ZFAT: variants seen among roughly 807,000 people sequenced by gnomAD.
The protein encoded by ZFAT is zinc finger and AT-hook domain containing, also known as zinc finger protein ZFAT.
Under a neutral mutation model 117.7 loss-of-function variants are expected in ZFAT, and 64 were observed. That is an observed-to-expected ratio of 0.54 (90% confidence interval 0.44 to 0.67). The LOEUF is 0.67. Ranked by LOEUF, ZFAT falls within the 30% of genes least tolerant of loss-of-function variation. ZFAT has a pLI of 0.00. For missense variants in ZFAT, 1,433 were observed against 1,584.5 expected (o/e 0.90, Z 1.62); for synonymous variants, 679 against 615.0 (o/e 1.10, Z -1.54).
At chr8:134,719,039 T>C in the ZFAT span, among the ~76,000 whole-genome samples, 1 of 152,220 alleles carries the variant, frequency 6.6e-6, no homozygotes, top group East Asian at 1.9e-4. Context: ...GTGAACACGG[T>C]TGTACCTGCA....
At chr8:134,718,991 G>A in the ZFAT span, among the ~76,000 whole-genome samples, 5 of 152,150 alleles carry the variant, frequency 3.3e-5, no homozygotes, top group African/African-American at 1.2e-4. Context: ...AGTGAAAAGA[G>A]CCAGGTGCAG....
intron 4 of ZFAT, 105 bp downstream of exon 4, chr8:134,610,365 C>A (rs947826669): frequency 1.6e-6 from 2 of 1,239,022 alleles, no homozygotes; most frequent in Non-Finnish European, 2.2e-6. Flanking sequence ...GAGAGCCCCA[C>A]CAATGCACCA....
chr8:134,678,529 T>A (rs144730102), intron 1 of ZFAT, among the ~76,000 whole-genome samples: 3 of 152,176 alleles, frequency 2.0e-5, no homozygotes, highest in African/African-American at 7.2e-5. Flanking sequence ...TTTATAGATT[T>A]AATGCTATCC....
chr8:134,654,041 A>C (rs1032116671), intron 2 of ZFAT, among the ~76,000 whole-genome samples: 2 of 152,170 alleles, frequency 1.3e-5, no homozygotes, highest in African/African-American at 4.8e-5. Context: ...TCATGCCTGT[A>C]ATCTCAGTAC....
chr8:134,702,916 C>T (rs963921543), intron 1 of ZFAT, among the ~76,000 whole-genome samples: 4 of 152,122 alleles, frequency 2.6e-5, no homozygotes, highest in South Asian at 2.1e-4. Flanking sequence ...CGTGATCTGC[C>T]GGCCTCGGCC....
Position 134,588,128 on chromosome 8 carries a change from C to A in ZFAT, c.2713+118G>T, listed in dbSNP as rs1050151309. ...GTTGATGGACACATCTCTCAGTGTG[C>A]TAAGGAAATTCTAACAGCAGGGATG... On this transcript the variant is annotated intron_variant, in intron 9 of 15. Coordinates refer to ENST00000377838, the MANE Select transcript of ZFAT (RefSeq NM_020863.4). The A allele has an allele frequency of 3.7e-5, 46 of 1,231,058 alleles. No individual in the cohort carries two copies. The Middle Eastern group carries it at 1.6e-3, about 43-fold the overall frequency. 76.3% of individuals were successfully genotyped at this position (1,231,058 alleles called of 1,614,324 possible).
At chr8:134,621,413 A>G (rs547139636) in intron 3 of ZFAT, among the ~76,000 whole-genome samples, 1 of 152,156 alleles carries the variant, frequency 6.6e-6, no homozygotes, top group East Asian at 1.9e-4. Context: ...CACTGTCTTG[A>G]GCATTAACTA....
chr8:134,736,822 C>G, the ZFAT span, among the ~76,000 whole-genome samples: 12 of 152,090 alleles, frequency 7.9e-5, no homozygotes, highest in African/African-American at 2.9e-4. Context: ...CTGGGCTCAA[C>G]CAATTCTCCC....
chr8:134,766,414 C>T, the ZFAT span: 2 of 152,168 alleles, frequency 1.3e-5, no homozygotes, highest in African/African-American at 4.8e-5. Context: ...AACAGTACAA[C>T]AAATCTCCCT....
chr8:134,565,088 C>A (rs2130770661), intron 11 of ZFAT: 1 of 1,480,252 alleles, frequency 6.8e-7, no homozygotes, highest in East Asian at 2.8e-5. Flanking sequence ...CGTGCCTTTT[C>A]TTCTGTCTGC....
chr8:134,752,749 G>A, the ZFAT span, among the ~76,000 whole-genome samples: 3 of 152,108 alleles, frequency 2.0e-5, no homozygotes, highest in East Asian at 1.9e-4. Context: ...TATGCAGCAC[G>A]CTCACATAGC....
At chr8:134,770,840 C>T in the ZFAT span, among the ~76,000 whole-genome samples, 3 of 152,116 alleles carry the variant, frequency 2.0e-5, no homozygotes, top group South Asian at 2.1e-4. Flanking sequence ...CTCTTATGGT[C>T]GAGGCTGCAG....
intron 1 of ZFAT, among the ~76,000 whole-genome samples, chr8:134,683,711 C>T (rs927847664): frequency 3.3e-5 from 5 of 151,868 alleles, no homozygotes; most frequent in African/African-American, 1.2e-4. Flanking sequence ...CAGACCGGTA[C>T]CTGGACAGGA....
At chr8:134,590,679 C>G (rs919466193) in intron 7 of ZFAT, among the ~76,000 whole-genome samples, 1 of 139,594 alleles carries the variant, frequency 7.2e-6, no homozygotes, top group South Asian at 2.6e-4. Flanking sequence ...ACAACCAACA[C>G]CACCACCACC....
chr8:134,697,669 G>C (rs1468260458), intron 1 of ZFAT, among the ~76,000 whole-genome samples: 1 of 151,112 alleles, frequency 6.6e-6, no homozygotes, highest in African/African-American at 2.4e-5. Context: ...GGAGCTTGCA[G>C]TGAGCCGAGA....
the ZFAT span, among the ~76,000 whole-genome samples, chr8:134,832,240 G>A: frequency 6.6e-6 from 1 of 151,642 alleles, no homozygotes; most frequent in Non-Finnish European, 1.5e-5. Flanking sequence ...CGGCGGCAGC[G>A]GCTCCCTCCG....
intron 1 of ZFAT, among the ~76,000 whole-genome samples, chr8:134,662,980 G>A (rs996504281): frequency 3.9e-5 from 6 of 152,230 alleles, no homozygotes; most frequent in Admixed American, 2.6e-4. Flanking sequence ...GCTCTGCAGC[G>A]CAGACATGCA....
the ZFAT span, among the ~76,000 whole-genome samples, chr8:134,745,128 G>A: frequency 8.3e-4 from 126 of 152,214 alleles, no homozygotes; most frequent in African/African-American, 2.7e-3. Flanking sequence ...AATTATATCT[G>A]CAAAATCCCT....
chr8:134,655,605 G>A (rs561906429), intron 2 of ZFAT, among the ~76,000 whole-genome samples: 21 of 151,314 alleles, frequency 1.4e-4, no homozygotes, highest in South Asian at 2.1e-4. Flanking sequence ...CCAAGATCAC[G>A]CCACTGCATT....
Sources: gnomAD v4.1 joint callset for allele counts (sites outside exome capture counted in the v4.1 genomes callset) on GRCh38, gnomAD v4.1.1 for gene constraint, MANE v1.5 for transcripts, NCBI Gene and HGNC (gene_info 2026-07-23, HGNC 2026-07-21) for gene names.